COL5A2: variants seen among roughly 807,000 people sequenced by gnomAD.
COL5A2 encodes collagen alpha-2(V) chain.
A neutral mutation model predicts 208.2 loss-of-function variants in COL5A2; 23 were observed. The ratio of observed to expected loss-of-function variants is 0.11; its 90% CI spans 0.08 to 0.16. COL5A2 has a LOEUF of 0.16. Ranked by LOEUF, COL5A2 falls within the 10% of genes least tolerant of loss-of-function variation. COL5A2 has a pLI of 1.00. For synonymous variants in COL5A2, 625 were observed against 628.5 expected (o/e 0.99, Z 0.08); for missense variants, 1,590 against 1,956.4 (o/e 0.81, Z 3.53).
chr2:189,377,241 T>C, the COL5A2 span, among the ~76,000 whole-genome samples: 1 of 152,190 alleles, frequency 6.6e-6, no homozygotes, highest in African/African-American at 2.4e-5. Context: ...TTCAGTGCCC[T>C]TCCCTTCTCT....
the COL5A2 span, among the ~76,000 whole-genome samples, chr2:189,318,885 G>C: frequency 6.6e-6 from 1 of 152,072 alleles, no homozygotes; most frequent in Admixed American, 6.6e-5. Context: ...ACCTCTGCCA[G>C]AGTCAAACAG....
In COL5A2 at chr2:189,064,022, T is replaced by G. The variant is rs1686090666; in HGVS notation, c.1728A>C (p.Gly576=). 4 of 1,613,380 alleles carry G rather than the reference T, an allele frequency of 2.5e-6. No individual in the cohort carries two copies. The highest frequency in any genetic ancestry group is 4.5e-5 in the East Asian group (2 of 44,752). ...CTTCAGGACCTTGAACACCAGGATT[T>G]CCTGTCAAACCCTGAAAATAAAAAA... The part of the protein sequence containing the change: ...PGLPGARGLT[G]NPGVQGPEGK... Residue 576 remains glycine (G), a synonymous_variant, in exon 26 of 54, where the codon GGA becomes GGC. Transcript: ENST00000374866.
chr2:189,101,990 T>A (rs1174750458), intron 3 of COL5A2, among the ~76,000 whole-genome samples: 1 of 152,016 alleles, frequency 6.6e-6, no homozygotes, highest in East Asian at 1.9e-4. Flanking sequence ...AATACAAAAA[T>A]AATAAAATTT....
chr2:189,325,133 C>CA, the COL5A2 span, among the ~76,000 whole-genome samples: 1 of 148,916 alleles, frequency 6.7e-6, no homozygotes, highest in African/African-American at 2.5e-5. Flanking sequence ...CACTTGGACA[C>CA]GGGAAGGGGA....
At chr2:189,168,879 G>T (rs1241520824) in intron 1 of COL5A2, among the ~76,000 whole-genome samples, 2 of 152,114 alleles carry the variant, frequency 1.3e-5, no homozygotes, top group Non-Finnish European at 2.9e-5. Context: ...AACCTACAAA[G>T]AAAGAACAGT....
chr2:189,038,896 A>T (rs550109547), intron 51 of COL5A2, among the ~76,000 whole-genome samples: 3 of 152,038 alleles, frequency 2.0e-5, no homozygotes, highest in Middle Eastern at 3.4e-3. Flanking sequence ...TCACCATGTT[A>T]GCCAGGATGG....
At position 189,049,425 on chromosome 2, in the gene COL5A2, A is replaced by T; in HGVS notation, c.3069T>A (p.Gly1023=). The change falls in exon 44 of 54, where the codon GGT becomes GGA. Residue 1023 remains glycine, a synonymous_variant. Transcript: ENST00000374866. ...CAGGTGGACCTTTATCTCCTGTTGC[A>T]CCAGTTGGTCCTACTTTTCCTGGTG... The part of the protein sequence containing the change: ...AGTPGKVGPT[G]ATGDKGPPGP... 2 of 1,613,530 alleles carry T rather than the reference A, an allele frequency of 1.2e-6. No individual in the cohort carries two copies. Among genetic ancestry groups the T allele is most frequent in the Non-Finnish European group, 1.7e-6 (2 of 1,179,766 alleles).
intron 17 of COL5A2, among the ~76,000 whole-genome samples, chr2:189,074,238 T>G (rs577024588): frequency 6.6e-6 from 1 of 152,192 alleles, no homozygotes; most frequent in South Asian, 2.1e-4. Flanking sequence ...CTCACACTAA[T>G]TATTACAGAA....
chr2:189,061,148 T>C (rs1686023628), intron 30 of COL5A2, among the ~76,000 whole-genome samples: 2 of 152,106 alleles, frequency 1.3e-5, no homozygotes, highest in African/African-American at 4.8e-5. Context: ...CAAATTATGA[T>C]CTTCCTCCTA....
chr2:189,311,855 G>A, the COL5A2 span: 2 of 1,294,876 alleles, frequency 1.5e-6, no homozygotes, highest in Non-Finnish European at 2.2e-6. Flanking sequence ...GCCAGAGCTG[G>A]CAATCTGGGC....
intron 1 of COL5A2, among the ~76,000 whole-genome samples, chr2:189,225,142 A>G (rs1689397362): frequency 6.6e-6 from 1 of 152,208 alleles, no homozygotes; most frequent in African/African-American, 2.4e-5. Flanking sequence ...TTTATACTGT[A>G]CATACCACCA....
chr2:189,053,095 TATCA>T (rs1576495703), intron 38 of COL5A2, 77 bp from the exon 39 acceptor site: 1 of 1,119,424 alleles, frequency 8.9e-7, no homozygotes, highest in Admixed American at 1.9e-5. Flanking sequence ...ATTACTAATG[TATCA>T]ATTAATCATA....
chr2:189,315,141 T>C, the COL5A2 span, among the ~76,000 whole-genome samples: 8 of 152,072 alleles, frequency 5.3e-5, no homozygotes, highest in Non-Finnish European at 8.8e-5. Context: ...GAAAACTTCA[T>C]GAACTTGATG....
the COL5A2 span, among the ~76,000 whole-genome samples, chr2:189,408,133 G>A: frequency 4.6e-5 from 7 of 152,160 alleles, no homozygotes; most frequent in Non-Finnish European, 1.0e-4. Context: ...GGGCTGCAAA[G>A]AAATTGTGCT....
chr2:189,157,169 A>T (rs1209503346), intron 1 of COL5A2, among the ~76,000 whole-genome samples: 2 of 81,328 alleles, frequency 2.5e-5, no homozygotes, highest in Non-Finnish European at 4.6e-5. Context: ...AAGCATATAT[A>T]TATCTATATA....
the COL5A2 span, among the ~76,000 whole-genome samples, chr2:189,315,405 T>C: frequency 5.3e-5 from 8 of 152,088 alleles, no homozygotes; most frequent in Non-Finnish European, 1.2e-4. Context: ...AAAAATTCCC[T>C]ATAACTAGGT....
chr2:189,214,071 A>T (rs1182521872), intron 1 of COL5A2, among the ~76,000 whole-genome samples: 1 of 152,238 alleles, frequency 6.6e-6, no homozygotes, highest in Non-Finnish European at 1.5e-5. Flanking sequence ...CTACTTCTAC[A>T]CTTCTATAGT....
At chr2:189,393,809 C>T in the COL5A2 span, among the ~76,000 whole-genome samples, 1 of 152,096 alleles carries the variant, frequency 6.6e-6, no homozygotes, top group Admixed American at 6.6e-5. Context: ...GCCAAATTTC[C>T]CTCAATATTT....
chr2:189,035,116 T>C lies in COL5A2; in HGVS notation c.4153A>G (p.Thr1385Ala), dbSNP rs1169417653. ...GDHQSPNTAI[T>A]QMTFLRLLSK... ...AAAAGGCGCAAAAAAGTCATCTGAG[T>C]AATGGCTGTATTAGGTGATTGGTGG... Residue 1385 changes from threonine to alanine, a missense_variant, in exon 53 of 54, where the codon ACT becomes GCT. Thr to Ala is a moderately conservative substitution (Grantham distance 58). Coordinates refer to ENST00000374866, the MANE Select transcript of COL5A2 (RefSeq NM_000393.5). 1 of 1,613,756 alleles carries C rather than the reference T, an allele frequency of 6.2e-7. No homozygotes were observed. Among genetic ancestry groups the C allele is most frequent in the African/African-American group, 1.3e-5 (1 of 74,880 alleles).
Sources: allele counts gnomAD v4.1 joint callset (sites outside exome capture counted in the v4.1 genomes callset), GRCh38; gene constraint gnomAD v4.1.1; transcripts MANE v1.5; gene names NCBI Gene and HGNC (gene_info 2026-07-23, HGNC 2026-07-21).